TSHZ2: variants seen among roughly 807,000 people sequenced by gnomAD.
The protein encoded by TSHZ2 is teashirt homolog 2.
In TSHZ2, 21 loss-of-function variants were observed where a neutral mutation model predicts 74.4. The observed-to-expected ratio is 0.28, with a 90% CI of 0.20 to 0.41. The LOEUF (loss-of-function observed/expected upper bound fraction) is 0.41. TSHZ2 is among the 10% of genes least tolerant of loss of function. The pLI is 1.00. For synonymous variants in TSHZ2, 540 were observed against 515.3 expected (o/e 1.05, Z -0.65); for missense variants, 1,244 against 1,293.5 (o/e 0.96, Z 0.59).
intron 2 of TSHZ2, among the ~76,000 whole-genome samples, chr20:53,462,039 C>T (rs1232597241): frequency 6.6e-6 from 1 of 151,756 alleles, no homozygotes; most frequent in Non-Finnish European, 1.5e-5. Flanking sequence ...CGAGACCAGC[C>T]TGGCCAACAT....
chr20:53,060,544 C>T (rs759087217), intron 1 of TSHZ2, among the ~76,000 whole-genome samples: 2 of 152,162 alleles, frequency 1.3e-5, no homozygotes, highest in Non-Finnish European at 2.9e-5. Context: ...ATAAGTTATG[C>T]TAAGTTAGAT....
intron 1 of TSHZ2, among the ~76,000 whole-genome samples, chr20:53,093,801 C>T (rs566444022): frequency 1.5e-4 from 23 of 152,174 alleles, no homozygotes; most frequent in Middle Eastern, 6.8e-3. Flanking sequence ...TAAACACATG[C>T]TAAAAATAAG....
At chr20:53,116,405 C>T (rs1202480198) in intron 1 of TSHZ2, among the ~76,000 whole-genome samples, 2 of 152,182 alleles carry the variant, frequency 1.3e-5, no homozygotes, top group African/African-American at 2.4e-5. Context: ...CAGGCCACCT[C>T]TCTGGGTGCC....
At chr20:53,405,549 G>T (rs1337966738) in intron 2 of TSHZ2, among the ~76,000 whole-genome samples, 1 of 152,118 alleles carries the variant, frequency 6.6e-6, no homozygotes, top group Non-Finnish European at 1.5e-5. Flanking sequence ...TTAGTCCTAG[G>T]TACTATTTTA....
Position 53,302,827 on chromosome 20 carries a change from G to A in TSHZ2, c.*8+46256G>A, listed in dbSNP as rs987768425. Among the ~76,000 whole-genome samples, 28 of 152,218 alleles carry A rather than the reference G, an allele frequency of 1.8e-4. No homozygotes were observed. In the East Asian group the frequency reaches 2.3e-3, roughly 13 times the overall value. On this transcript the variant is annotated intron_variant, in intron 2 of 2. Transcript: ENST00000371497. ...TTTCCATAAAATTTAAATGAACCCC[G>A]TAAAATCTACCTCTTGCTGTGCCAG...
chr20:53,224,992 C>T (rs1209316404), intron 1 of TSHZ2, among the ~76,000 whole-genome samples: 4 of 152,094 alleles, frequency 2.6e-5, no homozygotes, highest in Non-Finnish European at 5.9e-5. Flanking sequence ...GTAAAAGGCC[C>T]AAGAGTAAAT....
At chr20:53,243,898 T>C (rs1485949802) in intron 1 of TSHZ2, among the ~76,000 whole-genome samples, 1 of 152,096 alleles carries the variant, frequency 6.6e-6, no homozygotes, top group Non-Finnish European at 1.5e-5. Context: ...AGAAGCAAGT[T>C]AAAATTTGTC....
At chr20:53,458,543 TTG>T (rs1387806503) in intron 2 of TSHZ2, among the ~76,000 whole-genome samples, 3 of 152,234 alleles carry the variant, frequency 2.0e-5, no homozygotes, top group Non-Finnish European at 2.9e-5. Flanking sequence ...GAAGGGTTTT[TTG>T]TGTCTCTATT....
At chr20:53,406,341 A>G (rs1156332138) in intron 2 of TSHZ2, among the ~76,000 whole-genome samples, 1 of 152,256 alleles carries the variant, frequency 6.6e-6, no homozygotes, top group African/African-American at 2.4e-5. Flanking sequence ...GAAAGCAGCT[A>G]GAAGGTTTTA....
At chr20:53,441,549 G>T (rs568032330) in intron 2 of TSHZ2, among the ~76,000 whole-genome samples, 1 of 151,314 alleles carries the variant, frequency 6.6e-6, no homozygotes, top group Non-Finnish European at 1.5e-5. Context: ...GCCTCCCAAA[G>T]TGCTGGTATT....
intron 1 of TSHZ2, among the ~76,000 whole-genome samples, chr20:53,002,097 G>A (rs937537136): frequency 8.5e-5 from 13 of 152,318 alleles, no homozygotes; most frequent in East Asian, 7.7e-4. Flanking sequence ...AGTGAGAGCC[G>A]GAACTTATTG....
intron 2 of TSHZ2, among the ~76,000 whole-genome samples, chr20:53,415,782 A>G (rs1008243202): frequency 2.9e-5 from 1 of 34,282 alleles, no homozygotes. Flanking sequence ...CTATAAATGT[A>G]TGTGTGTGTG....
At position 53,051,167 on chromosome 20, in the gene TSHZ2, C is replaced by T. The variant is rs537606141; in HGVS notation, c.40+77834C>T. Reference sequence around the variant, plus strand: ...TAGCCTGGCCAACATGGTGAAACTCCGTCTCCACTAAAAATACAAAAATTA... The same window carrying T: ...TAGCCTGGCCAACATGGTGAAACTCTGTCTCCACTAAAAATACAAAAATTA... On this transcript the variant is annotated intron_variant, in intron 1 of 2. Coordinates refer to ENST00000371497, the MANE Select transcript of TSHZ2 (RefSeq NM_173485.6). 5.6e-4 allele frequency among the ~76,000 whole-genome samples: 85 copies of T among 152,120 alleles called. 1 individual carries two copies. In the South Asian group the frequency reaches 0.014, roughly 26 times the overall value.
intron 2 of TSHZ2, among the ~76,000 whole-genome samples, chr20:53,320,890 T>G (rs1194574528): frequency 2.6e-5 from 4 of 152,200 alleles, no homozygotes; most frequent in African/African-American, 9.7e-5. Flanking sequence ...GATGAAGACA[T>G]CGTTCCAGTT....
chr20:53,403,685 G>C (rs1305423359), intron 2 of TSHZ2, among the ~76,000 whole-genome samples: 1 of 152,204 alleles, frequency 6.6e-6, no homozygotes, highest in African/African-American at 2.4e-5. Context: ...TTCCATCTCT[G>C]AGAGCTGTCG....
intron 2 of TSHZ2, among the ~76,000 whole-genome samples, chr20:53,293,695 G>A (rs1991321912): frequency 9.4e-6 from 1 of 106,632 alleles, no homozygotes; most frequent in Non-Finnish European, 1.8e-5. Context: ...TTAACAACTG[G>A]CTCTCAAAAA....
chr20:53,271,422 C>T (rs1363444911), intron 2 of TSHZ2, among the ~76,000 whole-genome samples: 2 of 152,238 alleles, frequency 1.3e-5, no homozygotes, highest in African/African-American at 4.8e-5. Flanking sequence ...TAGAAGTCCT[C>T]AATTAACAAG....
intron 2 of TSHZ2, among the ~76,000 whole-genome samples, chr20:53,384,907 G>A (rs978854678): frequency 1.3e-5 from 2 of 152,220 alleles, no homozygotes; most frequent in Non-Finnish European, 2.9e-5. Context: ...TGGGTCACGA[G>A]GTCAGGAGAT....
intron 1 of TSHZ2, among the ~76,000 whole-genome samples, chr20:53,227,463 AACACACACACACACAC>A (rs10574252): frequency 2.7e-5 from 4 of 146,562 alleles, no homozygotes; most frequent in African/African-American, 5.1e-5. Flanking sequence ...TGGGGAGGAA[AACACACACACACACAC>A]ACACACACAC....
Sources: gnomAD v4.1 joint callset for allele counts (sites outside exome capture counted in the v4.1 genomes callset) on GRCh38, gnomAD v4.1.1 for gene constraint, MANE v1.5 for transcripts, NCBI Gene and HGNC (gene_info 2026-07-23, HGNC 2026-07-21) for gene names.